The following FADS3 variants were observed in gnomAD, a reference collection of about 807,000 sequenced individuals.
FADS3 encodes the protein cytochrome b5-related protein.
A neutral mutation model predicts 60.4 loss-of-function variants in FADS3; 30 were observed. The ratio of observed to expected loss-of-function variants is 0.50; its 90% CI spans 0.37 to 0.67. The LOEUF (loss-of-function observed/expected upper bound fraction) is 0.67, where lower values mean the gene tolerates loss of function less well. Ranked by LOEUF, FADS3 falls within the 30% of genes least tolerant of loss-of-function variation. FADS3 has a pLI of 0.00. For missense variants in FADS3, 432 were observed against 598.3 expected, an observed-to-expected ratio of 0.72 and a Z score of 2.90; for synonymous variants, 234 against 249.3, an observed-to-expected ratio of 0.94 and a Z score of 0.58.
rs1938497898 is a variant in FADS3 at position 61,891,203 on chromosome 11, C to T, written c.179G>A (p.Arg60His). Residue 60 changes from arginine (R) to histidine (H), a missense_variant, in exon 1 of 12, where the codon CGC (arginine) becomes CAC (histidine). Coordinates refer to ENST00000278829, the MANE Select transcript of FADS3 (RefSeq NM_021727.5). ...CTCAGCGCCGTGGTGGCCGATGAGG[C>T]GGCTGCCCCCTGGGTGCCGCTGTGC... ...RWAQRHPGGS[R>H]LIGHHGAEDA... The T allele has an allele frequency of 1.3e-6, 2 of 1,561,578 alleles. No individual in the cohort carries two copies. The highest frequency in any genetic ancestry group is 1.7e-6 in the Non-Finnish European group (2 of 1,153,676).
chr11:61,890,424 G>A (rs1938462764), intron 1 of FADS3: 1 of 152,348 alleles, frequency 6.6e-6, no homozygotes, highest in Admixed American at 6.5e-5. Context: ...GGAGGGTCAA[G>A]GACAGGGCAT....
At chr11:61,881,772 A>G (rs1389985156) in intron 1 of FADS3, 2 of 152,206 alleles carry the variant, frequency 1.3e-5, no homozygotes, top group African/African-American at 2.4e-5. Context: ...TAACACCTAC[A>G]TGATCTACTA....
intron 1 of FADS3, among the ~76,000 whole-genome samples, chr11:61,887,733 A>G (rs1938363501): frequency 6.6e-6 from 1 of 152,244 alleles, no homozygotes; most frequent in Non-Finnish European, 1.5e-5. Context: ...ACCATGCATG[A>G]CACAGAGAAG....
In FADS3 at chr11:61,877,776, C is replaced by T. The variant is rs1937963855; in HGVS notation, c.809-189G>A. ...TCCCCAGGCTGCCCTTACCCCACCACCTCCCACCACCCTTCACCGCAAGTC... is the reference window on the plus strand; with the variant it reads ...TCCCCAGGCTGCCCTTACCCCACCATCTCCCACCACCCTTCACCGCAAGTC... On this transcript the variant is annotated intron_variant, in intron 6 of 11. Transcript: ENST00000278829. The surrounding 1 kb of genome is among the most constrained non-coding windows in gnomAD (Gnocchi z 4.7). 1 of 613,508 alleles carries T rather than the reference C, an allele frequency of 1.6e-6. No homozygotes were observed. The highest frequency in any genetic ancestry group is 2.9e-6 in the Non-Finnish European group (1 of 344,518). 38.0% of individuals were successfully genotyped at this position (613,508 alleles called of 1,614,324 possible). A position where few individuals can be genotyped will look rare whatever the true frequency, so the allele number is the denominator to read the frequency against.
At chr11:61,891,834 C>T (rs1285642911), upstream of FADS3, 1 of 152,232 alleles carries the variant, frequency 6.6e-6, no homozygotes, top group Non-Finnish European at 1.5e-5. Context: ...ACCCGGAGCG[C>T]GGGGCCTGGG....
chr11:61,891,465 G>T lies in FADS3; in HGVS notation c.-84C>A. 1.1e-6 allele frequency: 1 copy of T among 938,438 alleles called. No individual in the cohort carries two copies. The highest frequency in any genetic ancestry group is 1.4e-6 in the Non-Finnish European group (1 of 713,604). 58.1% of individuals were successfully genotyped at this position (938,438 alleles called of 1,614,324 possible). A position where few individuals can be genotyped will look rare whatever the true frequency, so the allele number is the denominator to read the frequency against. On this transcript the variant is annotated 5_prime_UTR_variant, in exon 1 of 12. Transcript: ENST00000278829. ...AGGGAAGCGAAGAGCGCTCCCGGGC[G>T]CCGCCTCCGCCGCCGCCCGCTGCTC...
At chr11:61,878,957 T>C (rs971424325) in intron 3 of FADS3, 110 bp from the exon 4 acceptor site, 3 of 837,226 alleles carry the variant, frequency 3.6e-6, no homozygotes, top group Admixed American at 5.3e-5. Context: ...TAATGCTCCA[T>C]TTCAAGACCC....
chr11:61,873,784 A>G lies in FADS3; in HGVS notation c.*30T>C. The G allele has an allele frequency of 6.3e-7, 1 of 1,594,702 alleles. No homozygotes were observed. Among genetic ancestry groups the G allele is most frequent in the Non-Finnish European group, 8.6e-7 (1 of 1,169,138 alleles). ...GGCTGGCTTGGTTGCTGGTGCCCTG[A>G]GCCCTTCTCTGCCCGCCTGGGTGTT... is the stretch of plus-strand genomic sequence containing the variant. On this transcript the variant is annotated 3_prime_UTR_variant, in exon 12 of 12. Transcript: ENST00000278829.
At chr11:61,881,025 A>C (rs1938111772) in intron 1 of FADS3, 1 of 152,184 alleles carries the variant, frequency 6.6e-6, no homozygotes, top group African/African-American at 2.4e-5. Flanking sequence ...AAAGTAAATA[A>C]AATGGGCCAG....
In FADS3 at chr11:61,873,560, C is replaced by A; in HGVS notation, c.*254G>T. The A allele has an allele frequency of 1.8e-6, 1 of 558,492 alleles. No individual in the cohort carries two copies. Among genetic ancestry groups the A allele is most frequent in the Non-Finnish European group, 3.2e-6 (1 of 315,262 alleles). 34.6% of individuals were successfully genotyped at this position (558,492 alleles called of 1,614,324 possible). Reference sequence around the variant, plus strand: ...ATGTATTTTAATATAAAAATAACAGCTTTCCCCCAATTCTCGCTCTAGGAA... The same window carrying A: ...ATGTATTTTAATATAAAAATAACAGATTTCCCCCAATTCTCGCTCTAGGAA... On this transcript the variant is annotated 3_prime_UTR_variant, in exon 12 of 12. Transcript: ENST00000278829.
rs753271075 is a variant in FADS3, at chr11:61,876,860, C to A, written c.983+6G>T. 3 of 1,604,300 alleles carry A rather than the reference C, an allele frequency of 1.9e-6. No homozygotes were observed. The South Asian group carries it at 3.4e-5, about 18-fold the overall frequency. ...CTGTGTGTGACCTCGCCACTCCCTGCCATACCTGACAGCAACAAAGAAGAG... is the reference window on the plus strand; with the variant it reads ...CTGTGTGTGACCTCGCCACTCCCTGACATACCTGACAGCAACAAAGAAGAG... On this transcript the variant is annotated splice_donor_region_variant and intron_variant, in intron 8 of 11. Transcript: ENST00000278829. This position sits in a 1 kb window ranked among gnomAD's most constrained non-coding sequence, Gnocchi z 5.7.
chr11:61,887,479 C>T (rs552687792), intron 1 of FADS3, among the ~76,000 whole-genome samples: 9 of 152,298 alleles, frequency 5.9e-5, no homozygotes, highest in African/African-American at 1.9e-4. Flanking sequence ...TCTGGGGCTC[C>T]CCATCCTCTT....
chr11:61,891,198 T>C lies in FADS3; in HGVS notation c.184A>G (p.Ile62Val), dbSNP rs1375790779. The change falls in exon 1 of 12, where the codon ATC becomes GTC. Residue 62 changes from isoleucine to valine, a missense_variant. This residue lies in a region of FADS3 where 167 missense variants were observed against 188.8 expected (regional missense o/e 0.88). Coordinates refer to ENST00000278829, the MANE Select transcript of FADS3 (RefSeq NM_021727.5). ...AQRHPGGSRL[I>V]GHHGAEDATD... Reference sequence around the variant, plus strand: ...GCGTCCTCAGCGCCGTGGTGGCCGATGAGGCGGCTGCCCCCTGGGTGCCGC... The same window carrying C: ...GCGTCCTCAGCGCCGTGGTGGCCGACGAGGCGGCTGCCCCCTGGGTGCCGC... 5.8e-6 allele frequency: 9 copies of C among 1,563,074 alleles called. No individual in the cohort carries two copies.
intron 11 of FADS3, among the ~76,000 whole-genome samples, chr11:61,874,784 C>T (rs1937806918): frequency 6.6e-6 from 1 of 152,152 alleles, no homozygotes; most frequent in African/African-American, 2.4e-5. Context: ...CACCCTACCA[C>T]CTATTTAGAA....
At chr11:61,875,525 A>ATG (rs1171022773) in intron 11 of FADS3, among the ~76,000 whole-genome samples, 4 of 150,392 alleles carry the variant, frequency 2.7e-5, no homozygotes, top group African/African-American at 9.8e-5. Flanking sequence ...GAGCCACCGC[A>ATG]CCCGGCCCTG....
chr11:61,884,694 A>C (rs1591199331), intron 1 of FADS3, among the ~76,000 whole-genome samples: 1 of 152,190 alleles, frequency 6.6e-6, no homozygotes, highest in Non-Finnish European at 1.5e-5. Flanking sequence ...TCCCACCCTC[A>C]CACACCCTAA....
rs1937880354 is a variant in FADS3 at position 61,876,286 on chromosome 11, C to T, written c.1080+73G>A. On this transcript the variant is annotated intron_variant, in intron 9 of 11. Coordinates refer to ENST00000278829, the MANE Select transcript of FADS3 (RefSeq NM_021727.5). This position sits in a 1 kb window ranked among gnomAD's most constrained non-coding sequence, Gnocchi z 5.7. ...CCTGGCAGCCCCGTCAGGGCCTCAT[C>T]CCTGCTTTGCCATCTGGCTCCTAGC... The T allele has an allele frequency of 1.3e-6, 2 of 1,588,792 alleles. No homozygotes were observed. Among genetic ancestry groups the T allele is most frequent in the East Asian group, 2.3e-5 (1 of 44,188 alleles).
intron 1 of FADS3, among the ~76,000 whole-genome samples, chr11:61,883,367 G>C (rs1392049239): frequency 6.6e-6 from 1 of 152,166 alleles, no homozygotes; most frequent in East Asian, 1.9e-4. Flanking sequence ...CCATGTTGCA[G>C]CACGTGTCAG....
intron 1 of FADS3, among the ~76,000 whole-genome samples, chr11:61,882,686 G>A (rs1938178984): frequency 6.6e-6 from 1 of 152,212 alleles, no homozygotes; most frequent in Non-Finnish European, 1.5e-5. Context: ...CTCCCAAAGT[G>A]TTGAGAGTAC....
Sources: gnomAD v4.1 joint callset for allele counts (sites outside exome capture counted in the v4.1 genomes callset) on GRCh38, gnomAD v4.1.1 for gene constraint, gnomAD v4.1.1 regional missense constraint, Gnocchi (gnomAD v3.1) non-coding constraint, MANE v1.5 for transcripts, NCBI Gene and HGNC (gene_info 2026-07-23, HGNC 2026-07-21) for gene names.